The following EIF4E variants were observed in gnomAD, a reference collection of about 807,000 sequenced individuals.
EIF4E encodes eIF-4F 25 kDa subunit.
For synonymous variants in EIF4E, 71 were observed against 88.5 expected, an observed-to-expected ratio of 0.80 and a Z score of 1.11; for missense variants, 113 against 265.6, an observed-to-expected ratio of 0.43 and a Z score of 3.99.
intron 1 of EIF4E, among the ~76,000 whole-genome samples, chr4:98,906,027 A>G (rs1724856038): frequency 6.6e-6 from 1 of 152,256 alleles, no homozygotes; most frequent in African/African-American, 2.4e-5. Flanking sequence ...CATTGCTTAA[A>G]TTCCAAAACC....
intron 2 of EIF4E, among the ~76,000 whole-genome samples, chr4:98,896,304 C>T (rs529975594): frequency 1.3e-5 from 2 of 151,746 alleles, no homozygotes; most frequent in African/African-American, 4.8e-5. Context: ...CCAAAGAGTT[C>T]GAGGTTGCAG....
intron 2 of EIF4E, among the ~76,000 whole-genome samples, chr4:98,899,693 A>G (rs980131132): frequency 6.6e-6 from 1 of 152,172 alleles, no homozygotes; most frequent in African/African-American, 2.4e-5. Flanking sequence ...ATAATGCAAG[A>G]CGGTGGTTTA....
At chr4:98,882,217 C>T (rs990502666) in intron 6 of EIF4E, among the ~76,000 whole-genome samples, 6 of 151,650 alleles carry the variant, frequency 4.0e-5, no homozygotes, top group African/African-American at 1.5e-4. Context: ...ATGGTGAAAC[C>T]CCGCCTCTAC....
intron 1 of EIF4E, among the ~76,000 whole-genome samples, chr4:98,905,768 A>G (rs778754726): frequency 3.3e-5 from 5 of 152,228 alleles, no homozygotes; most frequent in Non-Finnish European, 5.9e-5. Flanking sequence ...ATAAACTGTC[A>G]TAGCAACAAG....
intron 2 of EIF4E, among the ~76,000 whole-genome samples, chr4:98,897,092 T>C (rs186014931): frequency 6.6e-6 from 1 of 152,338 alleles, no homozygotes; most frequent in Non-Finnish European, 1.5e-5. Context: ...TCCATTTTCA[T>C]AATAATGCTA....
intron 1 of EIF4E, among the ~76,000 whole-genome samples, chr4:98,906,042 T>A (rs922914779): frequency 1.3e-5 from 2 of 152,252 alleles, no homozygotes; most frequent in African/African-American, 4.8e-5. Flanking sequence ...AAAACCATGA[T>A]GTGCTTTTCC....
chr4:98,924,070 T>C (rs992549288), intron 1 of EIF4E, among the ~76,000 whole-genome samples: 26 of 150,244 alleles, frequency 1.7e-4, no homozygotes, highest in Admixed American at 3.3e-4. Context: ...TTAAGGAAAC[T>C]TCTTTTGTTT....
At chr4:98,923,319 CTT>C (rs201405687) in intron 1 of EIF4E, among the ~76,000 whole-genome samples, 4 of 144,934 alleles carry the variant, frequency 2.8e-5, no homozygotes, top group African/African-American at 2.5e-5. Flanking sequence ...TTTTCTTTTT[CTT>C]TTTTTTTTTG....
intron 2 of EIF4E, 79 bp from the exon 3 acceptor site, chr4:98,891,411 G>A (rs2110185187): frequency 7.6e-7 from 1 of 1,307,696 alleles, no homozygotes; most frequent in Non-Finnish European, 1.1e-6. Flanking sequence ...AAAGTCAAAA[G>A]GTAGAAGCAA....
At chr4:98,909,926 C>T in intron 1 of EIF4E, 1 of 547,082 alleles carries the variant, frequency 1.8e-6, no homozygotes, top group Non-Finnish European at 3.2e-6. Context: ...GTCCTCAGTT[C>T]TTTTCAACAA....
At chr4:98,906,258 A>C (rs1178401424) in intron 1 of EIF4E, among the ~76,000 whole-genome samples, 2 of 152,202 alleles carry the variant, frequency 1.3e-5, no homozygotes, top group African/African-American at 2.4e-5. Flanking sequence ...CCTTATTTGA[A>C]GTATGGAATA....
At chr4:98,909,600 G>A (rs1232715064) in intron 1 of EIF4E, 1 of 682,954 alleles carries the variant, frequency 1.5e-6, no homozygotes, top group East Asian at 2.7e-5. Flanking sequence ...CTTCTTCCAA[G>A]TCCTTTTCAC....
At chr4:98,886,796 G>A in intron 5 of EIF4E, 1 of 401,202 alleles carries the variant, frequency 2.5e-6, no homozygotes, top group Non-Finnish European at 4.7e-6. Flanking sequence ...CATACAAAAT[G>A]TAAGGTTCTA....
chr4:98,903,515 T>C (rs1157858173), intron 1 of EIF4E: 2 of 454,992 alleles, frequency 4.4e-6, no homozygotes, highest in Admixed American at 2.4e-5. Flanking sequence ...CTAATTCTTT[T>C]TTATTTTTAG....
rs1723615223 is a variant in EIF4E, at chr4:98,880,054, A to T, written c.*974T>A. 1 of 152,648 alleles carries T rather than the reference A, an allele frequency of 6.6e-6. No homozygotes were observed. Among genetic ancestry groups the T allele is most frequent in the Non-Finnish European group, 1.5e-5 (1 of 68,002 alleles). The allele number at this position is 152,648 out of a possible 1,614,324, so 9.5% of individuals were successfully genotyped here. On this transcript the variant is annotated 3_prime_UTR_variant, in exon 7 of 7. Coordinates refer to ENST00000450253, the MANE Select transcript of EIF4E (RefSeq NM_001968.5). Reference sequence around the variant, plus strand: ...GATGGAGAAATAAAAGGACAAATCTAGTTGTCTAAAAGACAATTCACTGTA... The same window carrying T: ...GATGGAGAAATAAAAGGACAAATCTTGTTGTCTAAAAGACAATTCACTGTA...
At chr4:98,898,053 T>C (rs1334069166) in intron 2 of EIF4E, among the ~76,000 whole-genome samples, 5 of 152,166 alleles carry the variant, frequency 3.3e-5, no homozygotes, top group Admixed American at 3.3e-4. Flanking sequence ...TGGTTTCAGA[T>C]TCCACATTGC....
chr4:98,901,046 A>G (rs2110197976), intron 2 of EIF4E, among the ~76,000 whole-genome samples: 1 of 152,302 alleles, frequency 6.6e-6, no homozygotes, highest in Admixed American at 6.5e-5. Flanking sequence ...CTTACTAAAA[A>G]ACTTTTTCCC....
rs1723984008 is a variant in EIF4E at position 98,887,745 on chromosome 4, G to A, written c.285+144C>T. ...ATAAACAAATAGAATAAGATATATT[G>A]ATACTAAAGCATACTACAGCCAATT... is the stretch of plus-strand genomic sequence containing the variant. On this transcript the variant is annotated intron_variant, in intron 4 of 6. Transcript: ENST00000450253. The surrounding 1 kb of genome is among the most constrained non-coding windows in gnomAD (Gnocchi z 4.0). 2.9e-6 allele frequency: 2 copies of A among 697,418 alleles called. No homozygotes were observed. Among genetic ancestry groups the A allele is most frequent in the Non-Finnish European group, 2.5e-6 (1 of 402,894 alleles). 43.2% of individuals were successfully genotyped at this position (697,418 alleles called of 1,614,324 possible).
At chr4:98,897,946 T>C (rs1724477917) in intron 2 of EIF4E, among the ~76,000 whole-genome samples, 1 of 152,200 alleles carries the variant, frequency 6.6e-6, no homozygotes, top group Non-Finnish European at 1.5e-5. Context: ...GTGTATGATG[T>C]TAAAAATCTT....
Sources: gnomAD v4.1 joint callset for allele counts (sites outside exome capture counted in the v4.1 genomes callset) on GRCh38, gnomAD v4.1.1 for gene constraint, Gnocchi (gnomAD v3.1) non-coding constraint, MANE v1.5 for transcripts, NCBI Gene and HGNC (gene_info 2026-07-23, HGNC 2026-07-21) for gene names.